The following PCDHA7 variants were observed in gnomAD, a reference collection of about 807,000 sequenced individuals.
PCDHA7 encodes the protein protocadherin alpha-7.
PCDHA7 carries 37 observed loss-of-function variants against 57.2 expected under a neutral mutation model. The observed-to-expected ratio is 0.65, with a 90% CI of 0.50 to 0.85. The LOEUF is 0.85. Among genes scored for constraint, PCDHA7 ranks in the 40% least tolerant of loss-of-function variants. The pLI is 0.00. For missense variants in PCDHA7, 1,188 were observed against 1,241.8 expected (o/e 0.96, Z 0.65); for synonymous variants, 553 against 558.8 (o/e 0.99, Z 0.15).
chr5:140,886,422 T>G (rs930235903), intron 1 of PCDHA7, among the ~76,000 whole-genome samples: 1 of 152,240 alleles, frequency 6.6e-6, no homozygotes, highest in Non-Finnish European at 1.5e-5. Flanking sequence ...TCCTATATTA[T>G]TTCTATTCAT....
chr5:140,989,004 CTTA>C (rs1445940440), intron 3 of PCDHA7: 15 of 152,184 alleles, frequency 9.9e-5, no homozygotes, highest in African/African-American at 3.4e-4. Context: ...GAAATAGAGA[CTTA>C]TTATAGTTTC....
chr5:140,951,252 A>AT (rs1488592252), intron 1 of PCDHA7, among the ~76,000 whole-genome samples: 16 of 151,738 alleles, frequency 1.1e-4, no homozygotes, highest in Admixed American at 1.1e-3. Context: ...AATGCATCAC[A>AT]TTTTTCTGGT....
chr5:140,910,808 G>A (rs535429898), intron 1 of PCDHA7, among the ~76,000 whole-genome samples: 1 of 152,170 alleles, frequency 6.6e-6, no homozygotes, highest in South Asian at 2.1e-4. Flanking sequence ...TGCTTAGTGG[G>A]CCCAAATCAA....
At chr5:140,871,728 G>A in intron 1 of PCDHA7, 1 of 724,824 alleles carries the variant, frequency 1.4e-6, no homozygotes, top group South Asian at 2.4e-5. Flanking sequence ...CTTAATATTT[G>A]GTTAGCAAAT....
Position 140,882,272 on chromosome 5 carries a change from C to G in PCDHA7, c.2355+45534C>G, listed in dbSNP as rs782377951. On this transcript the variant is annotated intron_variant, in intron 1 of 3. Transcript: ENST00000525929. ...TCTGAGGTTTTTGGAGTGTACCATG[C>G]TGTCTTCCTGGCAAGGAGGCCCAAG... The G allele has an allele frequency of 5.0e-6, 8 of 1,611,430 alleles. No individual in the cohort carries two copies. The highest frequency in any genetic ancestry group is 6.8e-6 in the Non-Finnish European group (8 of 1,178,456).
At chr5:140,948,979 G>T (rs2094330965) in intron 1 of PCDHA7, among the ~76,000 whole-genome samples, 1 of 151,514 alleles carries the variant, frequency 6.6e-6, no homozygotes, top group South Asian at 2.1e-4. Flanking sequence ...AGTATGAACT[G>T]CTTTATTTGC....
In PCDHA7 at chr5:140,926,973, G is replaced by T. The variant is rs369317394; in HGVS notation, c.2356-51976G>T. 5.0e-6 allele frequency: 8 copies of T among 1,609,646 alleles called. No homozygotes were observed. The African/African-American group carries it at 1.1e-4, about 21-fold the overall frequency. On this transcript the variant is annotated intron_variant, in intron 1 of 3. Transcript: ENST00000525929. ...CGGGACAGCTCGAGTACTCAGTGCC[G>T]GAGGAGACGGAGCGGGGCGTAGCCG...
intron 1 of PCDHA7, among the ~76,000 whole-genome samples, chr5:140,919,033 G>T (rs149900813): frequency 6.6e-6 from 1 of 152,282 alleles, no homozygotes; most frequent in African/African-American, 2.4e-5. Flanking sequence ...CTGCCTAGTT[G>T]TTGTCCATTA....
Position 141,005,651 on chromosome 5 carries a change from G to A in PCDHA7, c.2504-3976G>A, listed in dbSNP as rs1554260215. ...CGGGAGGCGGAGCTTGCAGTGAGTC[G>A]AGATCGCGCCACTGCACTCCAGCCT... On this transcript the variant is annotated intron_variant, in intron 3 of 3. Coordinates refer to ENST00000525929, the MANE Select transcript of PCDHA7 (RefSeq NM_018910.3). Among the ~76,000 whole-genome samples, 4 of 131,238 alleles carry A rather than the reference G, an allele frequency of 3.0e-5. No homozygotes were observed. In the East Asian group the frequency reaches 7.0e-4, roughly 23 times the overall value. The allele number at this position is 131,238 out of a possible 152,430, so 86.1% of individuals were successfully genotyped here.
intron 1 of PCDHA7, among the ~76,000 whole-genome samples, chr5:140,931,914 A>C (rs1374173998): frequency 1.3e-5 from 2 of 151,960 alleles, no homozygotes; most frequent in Admixed American, 1.3e-4. Context: ...AAAGCATGAC[A>C]TTTAACAATG....
chr5:141,001,316 C>T (rs2098007805), intron 3 of PCDHA7, among the ~76,000 whole-genome samples: 2 of 152,096 alleles, frequency 1.3e-5, no homozygotes, highest in African/African-American at 4.8e-5. Flanking sequence ...AAATAATTTG[C>T]CAAACATCAC....
intron 1 of PCDHA7, chr5:140,841,311 G>C: frequency 1.3e-6 from 2 of 1,582,248 alleles, no homozygotes; most frequent in Non-Finnish European, 1.7e-6. Context: ...GATAGGAAAC[G>C]ACTATTTAAC....
intron 1 of PCDHA7, among the ~76,000 whole-genome samples, chr5:140,932,536 T>G (rs1176427449): frequency 1.3e-5 from 2 of 151,940 alleles, no homozygotes. Flanking sequence ...TTCAAGGTGC[T>G]TTATTTAACA....
intron 1 of PCDHA7, among the ~76,000 whole-genome samples, chr5:140,951,377 G>T (rs2094577141): frequency 6.6e-6 from 1 of 152,070 alleles, no homozygotes; most frequent in Non-Finnish European, 1.5e-5. Context: ...AAACACCCAA[G>T]ACTCGGTAAT....
intron 1 of PCDHA7, chr5:140,883,569 C>A (rs781786717): frequency 1.9e-6 from 3 of 1,614,134 alleles, no homozygotes; most frequent in South Asian, 2.2e-5. Flanking sequence ...GGCTCGCCTT[C>A]GCTGTGGGCC....
intron 1 of PCDHA7, among the ~76,000 whole-genome samples, chr5:140,941,191 T>TTTTTTCTTTC (rs1554213809): frequency 1.1e-5 from 1 of 93,206 alleles, no homozygotes; most frequent in Non-Finnish European, 2.3e-5. Flanking sequence ...GCTTCTTTTT[T>TTTTTTCTTTC]TTTCTTTCTT....
At chr5:140,863,393 C>G (rs782189753) in intron 1 of PCDHA7, 2 of 924,736 alleles carry the variant, frequency 2.2e-6, no homozygotes, top group Non-Finnish European at 3.3e-6. Flanking sequence ...TCGTGCATGC[C>G]GGGCAAGCCC....
At chr5:141,000,547 A>T (rs2097946124) in intron 3 of PCDHA7, among the ~76,000 whole-genome samples, 1 of 147,246 alleles carries the variant, frequency 6.8e-6, no homozygotes, top group Non-Finnish European at 1.5e-5. Context: ...CATGCCTCAA[A>T]CTCCCGAGTA....
intron 2 of PCDHA7, among the ~76,000 whole-genome samples, chr5:140,979,601 C>T (rs1214449101): frequency 1.3e-5 from 2 of 152,160 alleles, no homozygotes; most frequent in African/African-American, 4.8e-5. Context: ...TTTAAATTAA[C>T]CTAGAGTAAC....
Sources: gnomAD v4.1 joint callset for allele counts (sites outside exome capture counted in the v4.1 genomes callset) on GRCh38, gnomAD v4.1.1 for gene constraint, MANE v1.5 for transcripts, NCBI Gene and HGNC (gene_info 2026-07-23, HGNC 2026-07-21) for gene names.